The following MGAT4C variants were observed in gnomAD, a reference collection of about 807,000 sequenced individuals.
The protein encoded by MGAT4C is alpha-1,3-mannosyl-glycoprotein 4-beta-N-acetylglucosaminyltransferase C.
In MGAT4C, 19 loss-of-function variants were observed where a neutral mutation model predicts 40.1. The observed-to-expected ratio is 0.47, with a 90% CI of 0.33 to 0.70. MGAT4C has a LOEUF of 0.70. Ranked by LOEUF, MGAT4C falls within the 30% of genes least tolerant of loss-of-function variation. The pLI, the probability that MGAT4C is intolerant of heterozygous loss-of-function variation, is 0.02. For synonymous variants in MGAT4C, 181 were observed against 187.1 expected, an observed-to-expected ratio of 0.97 and a Z score of 0.27; for missense variants, 491 against 563.2, an observed-to-expected ratio of 0.87 and a Z score of 1.30.
chr12:86,198,911 G>A (rs1949928174), intron 1 of MGAT4C, among the ~76,000 whole-genome samples: 1 of 152,160 alleles, frequency 6.6e-6, no homozygotes, highest in African/African-American at 2.4e-5. Context: ...AGATAGCTGT[G>A]TGGAGCAAAT....
At chr12:86,272,662 G>C (rs1407997627) in intron 4 of MGAT4C, among the ~76,000 whole-genome samples, 1 of 151,972 alleles carries the variant, frequency 6.6e-6, no homozygotes, top group East Asian at 1.9e-4. Context: ...ACCAGCCTGG[G>C]TAACATGGTG....
chr12:86,602,083 C>T (rs547583873), intron 2 of MGAT4C, among the ~76,000 whole-genome samples: 1 of 152,290 alleles, frequency 6.6e-6, no homozygotes, highest in South Asian at 2.1e-4. Flanking sequence ...GAGCTGCCCA[C>T]CCCGAGGCAG....
At chr12:86,642,039 T>C (rs1963405752) in intron 2 of MGAT4C, among the ~76,000 whole-genome samples, 1 of 151,924 alleles carries the variant, frequency 6.6e-6, no homozygotes, top group East Asian at 1.9e-4. Context: ...TACATGCTAC[T>C]TAAAAATGCA....
chr12:86,719,811 A>G (rs1238566503), intron 2 of MGAT4C, among the ~76,000 whole-genome samples: 1 of 152,200 alleles, frequency 6.6e-6, no homozygotes, highest in Admixed American at 6.5e-5. Context: ...TTAATGTGCA[A>G]TTCTTTCTAT....
chr12:86,774,478 T>C (rs947617701), intron 1 of MGAT4C, among the ~76,000 whole-genome samples: 1 of 150,440 alleles, frequency 6.6e-6, no homozygotes, highest in Non-Finnish European at 1.5e-5. Flanking sequence ...AGGAAATCAG[T>C]TCATACGGGT....
chr12:86,014,125 A>G (rs1001786958), intron 2 of MGAT4C, among the ~76,000 whole-genome samples: 1 of 152,132 alleles, frequency 6.6e-6, no homozygotes, highest in African/African-American at 2.4e-5. Context: ...ATAATTAGAA[A>G]CATGCCAAAC....
intron 1 of MGAT4C, among the ~76,000 whole-genome samples, chr12:86,086,956 C>G (rs1871964103): frequency 6.6e-6 from 1 of 152,036 alleles, no homozygotes; most frequent in African/African-American, 2.4e-5. Context: ...ATTCACTTTA[C>G]ATAAGGTCCT....
intron 2 of MGAT4C, among the ~76,000 whole-genome samples, chr12:86,021,872 T>C (rs939994297): frequency 2.6e-5 from 4 of 152,236 alleles, no homozygotes; most frequent in African/African-American, 4.8e-5. Flanking sequence ...ACATTTTTAC[T>C]GTACATTTTC....
At chr12:86,412,680 A>G (rs1371792762) in intron 3 of MGAT4C, among the ~76,000 whole-genome samples, 1 of 152,166 alleles carries the variant, frequency 6.6e-6, no homozygotes, top group Admixed American at 6.6e-5. Flanking sequence ...CTTCTGAGTT[A>G]ATGCTGAAAG....
chr12:86,717,628 C>T (rs895825129), intron 2 of MGAT4C, among the ~76,000 whole-genome samples: 1 of 151,972 alleles, frequency 6.6e-6, no homozygotes, highest in African/African-American at 2.4e-5. Context: ...CTTGGAAAGT[C>T]ATTACTTTAT....
At chr12:86,426,668 C>T (rs1404533377) in intron 3 of MGAT4C, among the ~76,000 whole-genome samples, 1 of 152,126 alleles carries the variant, frequency 6.6e-6, no homozygotes, top group African/African-American at 2.4e-5. Flanking sequence ...AAGAGAAGGG[C>T]CGGGCGTGGT....
At chr12:86,386,166 G>A (rs1592773595) in intron 3 of MGAT4C, among the ~76,000 whole-genome samples, 1 of 152,178 alleles carries the variant, frequency 6.6e-6, no homozygotes, top group Admixed American at 6.5e-5. Flanking sequence ...TCCTAACTTC[G>A]TGATCCACCC....
At position 86,289,851 on chromosome 12, in the gene MGAT4C, T is replaced by C. The variant is rs565100946; in HGVS notation, c.-57+44214A>G. 2.0e-5 allele frequency among the ~76,000 whole-genome samples: 3 copies of C among 152,324 alleles called. No individual in the cohort carries two copies. The South Asian group carries it at 6.2e-4, about 32-fold the overall frequency. ...GGAAATTGTTTTCCCAAATTCATAG[T>C]TAACTCATAGATCATAGTCTCCTTT... On this transcript the variant is annotated intron_variant, in intron 4 of 7. Coordinates refer to the MGAT4C transcript ENST00000548651.
At chr12:86,797,587 G>C (rs1189287066) in intron 1 of MGAT4C, among the ~76,000 whole-genome samples, 6 of 151,952 alleles carry the variant, frequency 3.9e-5, no homozygotes, top group Non-Finnish European at 8.8e-5. Flanking sequence ...ACAGGCAGCT[G>C]TTACTTCCTG....
At chr12:86,006,733 A>C (rs1295661987) in intron 2 of MGAT4C, among the ~76,000 whole-genome samples, 1 of 152,128 alleles carries the variant, frequency 6.6e-6, no homozygotes, top group Non-Finnish European at 1.5e-5. Context: ...TCCCTCAAGT[A>C]ATGACTGACA....
intron 2 of MGAT4C, among the ~76,000 whole-genome samples, chr12:86,475,400 A>C (rs1957818253): frequency 6.6e-6 from 1 of 152,042 alleles, no homozygotes; most frequent in Admixed American, 6.6e-5. Flanking sequence ...AAAAGATTGA[A>C]GTTTACAATG....
intron 1 of MGAT4C, among the ~76,000 whole-genome samples, chr12:86,190,055 G>A (rs1889201737): frequency 6.6e-6 from 1 of 151,996 alleles, no homozygotes; most frequent in African/African-American, 2.4e-5. Context: ...GACATTTGAT[G>A]ACACCTTTTC....
At position 86,215,749 on chromosome 12, in the gene MGAT4C, T is replaced by C. The variant is rs370830529; in HGVS notation, c.-57+40490A>G. Among the ~76,000 whole-genome samples the C allele has an allele frequency of 3.3e-5, 5 of 152,276 alleles. No homozygotes were observed. In the South Asian group the frequency reaches 6.2e-4, roughly 19 times the overall value. On this transcript the variant is annotated intron_variant, in intron 1 of 4. Transcript: ENST00000611864. ...CTGCTAAATTTAATTTGTCTAGTGT[T>C]TTCTTTTAACAGTTTTGTGTCAAAA...
At chr12:86,444,230 C>G (rs1348823975) in intron 2 of MGAT4C, among the ~76,000 whole-genome samples, 1 of 152,174 alleles carries the variant, frequency 6.6e-6, no homozygotes, top group Non-Finnish European at 1.5e-5. Context: ...GAATGATTCT[C>G]TTCTCGTCTT....
Sources: gnomAD v4.1 joint callset for allele counts (sites outside exome capture counted in the v4.1 genomes callset) on GRCh38, gnomAD v4.1.1 for gene constraint, MANE v1.5 for transcripts, NCBI Gene and HGNC (gene_info 2026-07-23, HGNC 2026-07-21) for gene names.